The following ESRRG variants were observed in gnomAD, a reference collection of about 807,000 sequenced individuals.
ESRRG encodes estrogen-related receptor gamma.
ESRRG carries 13 observed loss-of-function variants against 44.0 expected under a neutral mutation model. The ratio of observed to expected loss-of-function variants is 0.30; its 90% CI spans 0.19 to 0.47. The LOEUF is 0.47. Among genes scored for constraint, ESRRG ranks in the 20% least tolerant of loss-of-function variants. ESRRG has a pLI of 1.00. For missense variants in ESRRG, 395 were observed against 580.6 expected (o/e 0.68, Z 3.29); for synonymous variants, 215 against 214.6 (o/e 1.00, Z -0.02).
At chr1:216,723,917 G>T (rs891255156), upstream of ESRRG, among the ~76,000 whole-genome samples, 6 of 152,080 alleles carry the variant, frequency 3.9e-5, no homozygotes, top group African/African-American at 1.4e-4. Context: ...AGTTTGTCCT[G>T]CCGTTGTCTG....
chr1:216,703,404 G>C (rs1198833276), intron 1 of ESRRG, among the ~76,000 whole-genome samples: 1 of 152,148 alleles, frequency 6.6e-6, no homozygotes, highest in Non-Finnish European at 1.5e-5. Flanking sequence ...TGTTGGAAAA[G>C]CTTGATAAAG....
At chr1:216,929,225 G>C (rs1263902847) in intron 2 of ESRRG, among the ~76,000 whole-genome samples, 2 of 150,568 alleles carry the variant, frequency 1.3e-5, no homozygotes, top group African/African-American at 4.8e-5. Flanking sequence ...TTAACAATTG[G>C]TGGTAAAAGT....
chr1:216,774,735 T>C (rs572870841), intron 2 of ESRRG, among the ~76,000 whole-genome samples: 2 of 151,150 alleles, frequency 1.3e-5, no homozygotes, highest in East Asian at 3.9e-4. Flanking sequence ...GAACAGAGTC[T>C]AAAAAGGAAT....
At chr1:216,871,931 C>T (rs1381463866) in intron 2 of ESRRG, among the ~76,000 whole-genome samples, 4 of 152,000 alleles carry the variant, frequency 2.6e-5, no homozygotes, top group South Asian at 4.1e-4. Flanking sequence ...TCCAAATTTC[C>T]TTCTGGTATT....
At chr1:216,859,304 G>C (rs1023117206) in intron 2 of ESRRG, among the ~76,000 whole-genome samples, 2 of 152,172 alleles carry the variant, frequency 1.3e-5, no homozygotes, top group African/African-American at 4.8e-5. Context: ...ACTTCCTTGA[G>C]AGAGGCTCCA....
chr1:216,569,095 AG>A (rs200607748), intron 3 of ESRRG, among the ~76,000 whole-genome samples: 21 of 81,532 alleles, frequency 2.6e-4, no homozygotes, highest in South Asian at 5.3e-4. Context: ...GAAGGAAGGA[AG>A]GAAGGAAGGA....
At chr1:216,880,692 C>T (rs148315493) in intron 2 of ESRRG, among the ~76,000 whole-genome samples, 2 of 152,008 alleles carry the variant, frequency 1.3e-5, no homozygotes, top group African/African-American at 2.4e-5. Context: ...AATTTAGAAG[C>T]TATTGGATAT....
intron 1 of ESRRG, among the ~76,000 whole-genome samples, chr1:217,028,293 G>T (rs2081521705): frequency 1.3e-5 from 2 of 152,156 alleles, no homozygotes; most frequent in South Asian, 4.1e-4. Context: ...ACTAGAGTAG[G>T]TGTTGCCAGA....
chr1:217,070,141 T>C (rs1381736494), intron 1 of ESRRG, among the ~76,000 whole-genome samples: 1 of 152,148 alleles, frequency 6.6e-6, no homozygotes, highest in African/African-American at 2.4e-5. Flanking sequence ...ATGACTCTCA[T>C]TTTGGCTGTA....
chr1:217,070,769 C>T (rs2090459265), intron 1 of ESRRG, among the ~76,000 whole-genome samples: 1 of 152,208 alleles, frequency 6.6e-6, no homozygotes. Context: ...ATGCCTCTTT[C>T]TGTGTCTATA....
rs182796251 is a variant in ESRRG, at chr1:216,740,732, G to A, written c.-13-63241C>T. Among the ~76,000 whole-genome samples the A allele has an allele frequency of 2.5e-3, 376 of 151,774 alleles. 2 individuals carry two copies. The highest frequency in any genetic ancestry group is 6.8e-3 in the Middle Eastern group (2 of 292). The stretch of plus-strand genomic sequence containing the variant: ...TTTCTACACACCTTTCTATATCACC[G>A]ACAGAGGAACTAAAAAATTATCAAG... On this transcript the variant is annotated intron_variant, in intron 2 of 7. Coordinates refer to the ESRRG transcript ENST00000359162.
At chr1:216,661,650 T>G (rs1273846393) in intron 2 of ESRRG, among the ~76,000 whole-genome samples, 2 of 152,158 alleles carry the variant, frequency 1.3e-5, no homozygotes, top group African/African-American at 4.8e-5. Context: ...TCTTGAGATT[T>G]CCCTTCTACC....
At chr1:216,879,478 G>T (rs963931798) in intron 2 of ESRRG, among the ~76,000 whole-genome samples, 2 of 107,906 alleles carry the variant, frequency 1.9e-5, no homozygotes, top group Non-Finnish European at 3.6e-5. Flanking sequence ...GGGAAAAAAA[G>T]GCCACCAAAA....
chr1:216,745,507 A>C (rs940720805), intron 2 of ESRRG, among the ~76,000 whole-genome samples: 2 of 152,090 alleles, frequency 1.3e-5, no homozygotes, highest in Non-Finnish European at 2.9e-5. Context: ...TGCTTCTTTC[A>C]TTCACTTAAG....
chr1:216,671,726 T>C (rs2075219892), intron 2 of ESRRG, among the ~76,000 whole-genome samples: 1 of 152,192 alleles, frequency 6.6e-6, no homozygotes, highest in African/African-American at 2.4e-5. Context: ...TATTTTTAAA[T>C]ATACAATTTC....
intron 2 of ESRRG, among the ~76,000 whole-genome samples, chr1:216,807,914 G>T (rs2094848693): frequency 6.6e-6 from 1 of 152,116 alleles, no homozygotes; most frequent in Non-Finnish European, 1.5e-5. Flanking sequence ...GCCCAATAGA[G>T]TCATGGGCTT....
intron 5 of ESRRG, among the ~76,000 whole-genome samples, chr1:216,560,038 TG>T (rs1251737648): frequency 6.6e-6 from 1 of 152,164 alleles, no homozygotes; most frequent in Non-Finnish European, 1.5e-5. Flanking sequence ...CCTAACTGAA[TG>T]TTTTTATTTA....
intron 2 of ESRRG, among the ~76,000 whole-genome samples, chr1:216,879,913 T>TA (rs2096415963): frequency 6.6e-6 from 1 of 152,192 alleles, no homozygotes; most frequent in Admixed American, 6.5e-5. Context: ...TGTCCTGAAC[T>TA]TTATATTTGT....
intron 1 of ESRRG, among the ~76,000 whole-genome samples, chr1:216,696,140 G>A (rs986268355): frequency 6.6e-6 from 1 of 152,002 alleles, no homozygotes; most frequent in African/African-American, 2.4e-5. Flanking sequence ...TTTCTCTGAG[G>A]GAAAAAAATT....
Sources: allele counts gnomAD v4.1 joint callset (sites outside exome capture counted in the v4.1 genomes callset), GRCh38; gene constraint gnomAD v4.1.1; transcripts MANE v1.5; gene names NCBI Gene and HGNC (gene_info 2026-07-23, HGNC 2026-07-21).